Variants in GALM observed in about 807,000 individuals in gnomAD.
GALM encodes galactose mutarotase.
A neutral mutation model predicts 37.4 loss-of-function variants in GALM; 43 were observed. The observed-to-expected ratio is 1.15, with a 90% CI of 0.90 to 1.48. The LOEUF (loss-of-function observed/expected upper bound fraction) is 1.48, where lower values mean the gene tolerates loss of function less well. Among genes scored for constraint, GALM ranks in the 40% most tolerant of loss-of-function variants. The pLI is 0.00. For synonymous variants in GALM, 199 were observed against 170.6 expected, an observed-to-expected ratio of 1.17 and a Z score of -1.30; for missense variants, 456 against 419.1, an observed-to-expected ratio of 1.09 and a Z score of -0.77.
chr2:38,718,513 T>A (rs931178924), intron 4 of GALM, among the ~76,000 whole-genome samples: 2 of 151,948 alleles, frequency 1.3e-5, no homozygotes, highest in Non-Finnish European at 2.9e-5. Flanking sequence ...TATTTCTTTT[T>A]TAGGGGAGAA....
intron 3 of GALM, among the ~76,000 whole-genome samples, chr2:38,689,095 C>T (rs1043280503): frequency 1.5e-4 from 23 of 152,350 alleles, no homozygotes; most frequent in East Asian, 7.7e-4. Flanking sequence ...GCTGGGATTA[C>T]AGGCATGAGC....
intron 4 of GALM, among the ~76,000 whole-genome samples, chr2:38,719,716 G>A (rs1018251716): frequency 1.3e-5 from 2 of 150,188 alleles, no homozygotes; most frequent in African/African-American, 2.5e-5. Flanking sequence ...GGAGGTTGCC[G>A]TGAGCCGAGA....
At chr2:38,684,102 C>A (rs1558581209) in intron 3 of GALM, among the ~76,000 whole-genome samples, 1 of 152,178 alleles carries the variant, frequency 6.6e-6, no homozygotes, top group Non-Finnish European at 1.5e-5. Context: ...CCTCCCCAGG[C>A]ACATAGCTCA....
chr2:38,689,089 G>A (rs1665610966), intron 3 of GALM, among the ~76,000 whole-genome samples: 1 of 152,120 alleles, frequency 6.6e-6, no homozygotes, highest in East Asian at 1.9e-4. Context: ...CAAAATGCTG[G>A]GATTACAGGC....
intron 4 of GALM, among the ~76,000 whole-genome samples, chr2:38,722,632 C>G (rs866219615): frequency 1.3e-5 from 2 of 152,328 alleles, no homozygotes; most frequent in African/African-American, 4.8e-5. Flanking sequence ...GAGGGTACCC[C>G]TTCCATTTCC....
rs368564868 is a variant in GALM at position 38,726,230 on chromosome 2, ATT to A, written c.635-3313_635-3312del. Among the ~76,000 whole-genome samples the A allele has an allele frequency of 5.2e-4, 66 of 126,198 alleles. 1 individual carries two copies. The highest frequency in any genetic ancestry group is 4.6e-4 in the Admixed American group (6 of 13,004). 82.8% of individuals were successfully genotyped at this position (126,198 alleles called of 152,430 possible). Reference sequence around the variant, plus strand: ...AAAGTGCCTTTATTTTTTTTTTTTTATTTTTTTTTTTTTTGAGACGGAGTCTC... The same window carrying A: ...AAAGTGCCTTTATTTTTTTTTTTTTATTTTTTTTTTTTGAGACGGAGTCTC... On this transcript the variant is annotated intron_variant, in intron 4 of 6. Coordinates refer to ENST00000272252, the MANE Select transcript of GALM (RefSeq NM_138801.3).
intron 1 of GALM, chr2:38,669,380 A>G (rs1665029915): frequency 6.6e-6 from 1 of 152,206 alleles, no homozygotes; most frequent in African/African-American, 2.4e-5. Context: ...GGCTTGCTCA[A>G]TCGATCACGA....
chr2:38,687,237 C>T (rs993770662), intron 3 of GALM, among the ~76,000 whole-genome samples: 2 of 152,248 alleles, frequency 1.3e-5, no homozygotes, highest in Non-Finnish European at 2.9e-5. Flanking sequence ...GAGACATCCT[C>T]TCTAGGCTAG....
intron 4 of GALM, among the ~76,000 whole-genome samples, chr2:38,705,235 T>TA (rs1430582519): frequency 2.0e-5 from 3 of 152,186 alleles, no homozygotes; most frequent in Non-Finnish European, 4.4e-5. Flanking sequence ...TAGCCATCCT[T>TA]AGTGGTCACT....
chr2:38,723,319 G>C (rs1329767676), intron 4 of GALM, among the ~76,000 whole-genome samples: 1 of 152,198 alleles, frequency 6.6e-6, no homozygotes, highest in Non-Finnish European at 1.5e-5. Flanking sequence ...AGCTGAAACA[G>C]CCTGCTATAA....
At chr2:38,725,836 T>C (rs1666475260) in intron 4 of GALM, among the ~76,000 whole-genome samples, 1 of 152,012 alleles carries the variant, frequency 6.6e-6, no homozygotes, top group Non-Finnish European at 1.5e-5. Context: ...CTCAGTCTAC[T>C]GAGTAGCTGA....
chr2:38,694,009 G>A (rs1412888803), intron 4 of GALM, among the ~76,000 whole-genome samples: 2 of 152,102 alleles, frequency 1.3e-5, no homozygotes, highest in Admixed American at 1.3e-4. Flanking sequence ...GGGAGACCCT[G>A]TTAATACAAA....
At chr2:38,728,686 A>AAAAATAAAAC (rs71402250) in intron 4 of GALM, among the ~76,000 whole-genome samples, 1 of 150,614 alleles carries the variant, frequency 6.6e-6, no homozygotes, top group African/African-American at 2.4e-5. Flanking sequence ...CTCCATCTCA[A>AAAAATAAAAC]AAAACAAAAC....
At position 38,675,981 on chromosome 2, in the gene GALM, C is replaced by T. The variant is rs779778477; in HGVS notation, c.260C>T (p.Thr87Ile). 6.2e-7 allele frequency: 1 copy of T among 1,614,006 alleles called. No homozygotes were observed. The highest frequency in any genetic ancestry group is 2.2e-5 in the East Asian group (1 of 44,882). Residue 87 changes from threonine to isoleucine, a missense_variant, in exon 2 of 7, where the codon ACC becomes ATC. By Grantham distance (89) the Thr-to-Ile change is moderately conservative. Transcript: ENST00000272252. ...GRVANRIAKG[T>I]FKVDGKEYHL... ...GTGGCCAACCGAATCGCCAAAGGAA[C>T]CTTCAAGGTGGATGGGAAGGAGTAT... is the stretch of plus-strand genomic sequence containing the variant.
At chr2:38,668,152 A>C (rs1665003156) in intron 1 of GALM, 1 of 152,192 alleles carries the variant, frequency 6.6e-6, no homozygotes, top group African/African-American at 2.4e-5. Context: ...TGTCACATAA[A>C]ACTATAATCA....
intron 2 of GALM, 74 bp downstream of exon 2, chr2:38,676,140 A>ATGTGCTC: frequency 6.8e-7 from 1 of 1,473,280 alleles, no homozygotes; most frequent in Non-Finnish European, 9.5e-7. Context: ...AGGCACAGTC[A>ATGTGCTC]TAGGCCCTAG....
rs896421520 is a variant in GALM at position 38,704,336 on chromosome 2, T to C, written c.634+14442T>C. ...ACCTCAGCCTCCTGCATAGCTAGGA[T>C]CACAGGCATGCCCCCATCATGCTCA... is the stretch of plus-strand genomic sequence containing the variant. On this transcript the variant is annotated intron_variant, in intron 4 of 6. Coordinates refer to ENST00000272252, the MANE Select transcript of GALM (RefSeq NM_138801.3). 2.1e-4 allele frequency among the ~76,000 whole-genome samples: 32 copies of C among 152,132 alleles called. No homozygotes were observed. In the East Asian group the frequency reaches 2.3e-3, roughly 11 times the overall value.
At chr2:38,699,841 G>C (rs1665880504) in intron 4 of GALM, among the ~76,000 whole-genome samples, 2 of 152,250 alleles carry the variant, frequency 1.3e-5, no homozygotes, top group East Asian at 3.9e-4. Flanking sequence ...TTGTTTTGTG[G>C]GCTAACATAT....
chr2:38,699,253 A>C (rs544058353), intron 4 of GALM, among the ~76,000 whole-genome samples: 1 of 152,288 alleles, frequency 6.6e-6, no homozygotes, highest in Non-Finnish European at 1.5e-5. Flanking sequence ...AATACTTGAT[A>C]TCTAATACAT....
Sources: allele counts gnomAD v4.1 joint callset (sites outside exome capture counted in the v4.1 genomes callset), GRCh38; gene constraint gnomAD v4.1.1; transcripts MANE v1.5; gene names NCBI Gene and HGNC (gene_info 2026-07-23, HGNC 2026-07-21).